The following RPN1 variants were observed in gnomAD, a reference collection of about 807,000 sequenced individuals.
RPN1 encodes the protein ribophorin I, also known as dolichyl-diphosphooligosaccharide--protein glycosyltransferase subunit 1.
RPN1 carries 12 observed loss-of-function variants against 55.5 expected under a neutral mutation model. That is an observed-to-expected ratio of 0.22 (90% CI 0.14 to 0.35). The LOEUF (loss-of-function observed/expected upper bound fraction) is 0.35, where lower values mean the gene tolerates loss of function less well. Among genes scored for constraint, RPN1 ranks in the 10% least tolerant of loss-of-function variants. The pLI, the probability that RPN1 is intolerant of heterozygous loss-of-function variation, is 1.00. For synonymous variants in RPN1, 317 were observed against 305.9 expected, an observed-to-expected ratio of 1.04 and a Z score of -0.38; for missense variants, 679 against 761.3, an observed-to-expected ratio of 0.89 and a Z score of 1.27.
At chr3:128,625,030 G>A (rs941069054) in intron 8 of RPN1, among the ~76,000 whole-genome samples, 3 of 152,184 alleles carry the variant, frequency 2.0e-5, no homozygotes, top group African/African-American at 7.2e-5. Flanking sequence ...GAAGAAAAGA[G>A]CAAGAGGATG....
Position 128,622,146 on chromosome 3 carries a change from G to A in RPN1, c.1641+18C>T, listed in dbSNP as rs752940925. ...GGAGGGCCCCAAGCCAAGCAACTCT[G>A]TGACGCCCGACACTTACTCTGTCGC... On this transcript the variant is annotated intron_variant, in intron 9 of 9. Transcript: ENST00000296255. 4 of 1,612,516 alleles carry A rather than the reference G, an allele frequency of 2.5e-6. No individual in the cohort carries two copies. In the East Asian group the frequency reaches 8.9e-5, roughly 36 times the overall value.
chr3:128,640,045 G>A (rs900002656), intron 2 of RPN1, among the ~76,000 whole-genome samples: 4 of 152,066 alleles, frequency 2.6e-5, no homozygotes, highest in Non-Finnish European at 4.4e-5. Flanking sequence ...GGTGGCAGGC[G>A]CCTGTAGTCC....
intron 6 of RPN1, among the ~76,000 whole-genome samples, chr3:128,626,515 T>A (rs1357744883): frequency 2.0e-5 from 3 of 152,226 alleles, no homozygotes; most frequent in African/African-American, 7.2e-5. Context: ...TCTTCCACTA[T>A]GGAACATTCT....
chr3:128,646,981 A>C (rs1208934214), intron 1 of RPN1, among the ~76,000 whole-genome samples: 1 of 151,982 alleles, frequency 6.6e-6, no homozygotes, highest in Non-Finnish European at 1.5e-5. Flanking sequence ...TCAAAAAAAA[A>C]AAAAAATGGT....
At chr3:128,643,372 G>C (rs2069742559) in intron 2 of RPN1, among the ~76,000 whole-genome samples, 1 of 148,500 alleles carries the variant, frequency 6.7e-6, no homozygotes, top group South Asian at 2.1e-4. Flanking sequence ...CACAGTAATT[G>C]AAACTATGGG....
At chr3:128,640,887 C>T (rs1341556756) in intron 2 of RPN1, among the ~76,000 whole-genome samples, 1 of 152,162 alleles carries the variant, frequency 6.6e-6, no homozygotes, top group African/African-American at 2.4e-5. Context: ...AATCAACATT[C>T]CCACATTCAT....
At chr3:128,639,721 G>A (rs930159853) in intron 2 of RPN1, among the ~76,000 whole-genome samples, 1 of 151,758 alleles carries the variant, frequency 6.6e-6, no homozygotes, top group Non-Finnish European at 1.5e-5. Flanking sequence ...CCCAGTAGCT[G>A]GGATTACAGG....
intron 2 of RPN1, chr3:128,644,471 C>A: frequency 3.6e-6 from 1 of 281,292 alleles, no homozygotes; most frequent in Non-Finnish European, 7.0e-6. Flanking sequence ...TGGCAAAACC[C>A]GGTGTCTACT....
Position 128,620,326 on chromosome 3 carries a change from C to T in RPN1, c.*85G>A, listed in dbSNP as rs1472742117. ...ACAGATGTCAGCTTTCACTGGCCTCCATGCACAACCTCCCACTACCACCCA... is the reference window on the plus strand; with the variant it reads ...ACAGATGTCAGCTTTCACTGGCCTCTATGCACAACCTCCCACTACCACCCA... On this transcript the variant is annotated 3_prime_UTR_variant, in exon 10 of 10. Transcript: ENST00000296255. The T allele has an allele frequency of 1.0e-5, 13 of 1,305,824 alleles. No individual in the cohort carries two copies. The highest frequency in any genetic ancestry group is 2.3e-5 in the Admixed American group (1 of 42,858). The allele number at this position is 1,305,824 out of a possible 1,614,324, so 80.9% of individuals were successfully genotyped here.
At position 128,625,597 on chromosome 3, in the gene RPN1, C is replaced by A; in HGVS notation, c.1332G>T (p.Ala444=). Residue 444 remains alanine (A), a synonymous_variant, in exon 8 of 10, where the codon GCG becomes GCT. Transcript: ENST00000296255. ...LMLQEPLLVV[A]AFYILFFTVI... ...CGGTGAAGAACAGGATGTAGAAGGC[C>A]GCCACCACCAGCAGGGGCTCCTGCA... is the stretch of plus-strand genomic sequence containing the variant. The A allele has an allele frequency of 6.2e-7, 1 of 1,613,970 alleles. No homozygotes were observed. Among genetic ancestry groups the A allele is most frequent in the African/African-American group, 1.3e-5 (1 of 74,966 alleles).
chr3:128,644,986 A>G lies in RPN1; in HGVS notation c.262-3T>C. 4 of 1,536,274 alleles carry G rather than the reference A, an allele frequency of 2.6e-6. No individual in the cohort carries two copies. Among genetic ancestry groups the G allele is most frequent in the Non-Finnish European group, 3.6e-6 (4 of 1,109,836 alleles). ...TCTTCCTCATCTTCTCCCTTTACCT[A>G]CAACAGAAAAAGATAGTTTATTATT... is the stretch of plus-strand genomic sequence containing the variant. On this transcript the variant is annotated splice_polypyrimidine_tract_variant and splice_region_variant and intron_variant, in intron 1 of 9. Coordinates refer to ENST00000296255, the MANE Select transcript of RPN1 (RefSeq NM_002950.4).
chr3:128,629,882 A>T, intron 5 of RPN1, 69 bp downstream of exon 5: 1 of 857,012 alleles, frequency 1.2e-6, no homozygotes, highest in Non-Finnish European at 1.8e-6. Context: ...ATAAAGACTG[A>T]TAATTGAAAG....
Position 128,638,102 on chromosome 3 carries a change from C to T in RPN1, c.330G>A (p.Gly110=). The T allele has an allele frequency of 6.2e-7, 1 of 1,610,372 alleles. No individual in the cohort carries two copies. Among genetic ancestry groups the T allele is most frequent in the South Asian group, 1.1e-5 (1 of 90,958 alleles). The change falls in exon 3 of 10, where the codon GGG becomes GGA. Residue 110 remains glycine, a synonymous_variant. Transcript: ENST00000296255. ...VRETKIKGKS[G]RFFTVKLPVA... ...CTGGGAGCTTGACTGTGAAGAATCT[C>T]CCACTAAAGGAAGAACAAGGCAAGA...
intron 5 of RPN1, among the ~76,000 whole-genome samples, chr3:128,629,016 A>G (rs976308937): frequency 4.6e-5 from 7 of 152,166 alleles, no homozygotes; most frequent in Non-Finnish European, 7.3e-5. Flanking sequence ...GGGCAAAACT[A>G]AGGTATAGTA....
chr3:128,645,086 A>T (rs2069756618), intron 1 of RPN1, 103 bp from the exon 2 acceptor site: 1 of 684,710 alleles, frequency 1.5e-6, no homozygotes, highest in African/African-American at 1.8e-5. Flanking sequence ...AAGCAGTCAA[A>T]CTATCAGAAC....
At chr3:128,623,492 C>T (rs1181590838) in intron 8 of RPN1, among the ~76,000 whole-genome samples, 2 of 151,524 alleles carry the variant, frequency 1.3e-5, no homozygotes, top group East Asian at 1.9e-4. Context: ...GAGCCCTGAT[C>T]GTGCCACTGC....
intron 8 of RPN1, among the ~76,000 whole-genome samples, chr3:128,623,952 G>A (rs1011546695): frequency 3.9e-5 from 6 of 151,904 alleles, no homozygotes; most frequent in East Asian, 1.9e-4. Flanking sequence ...GGGGCACAAC[G>A]TCTGCAACTT....
intron 3 of RPN1, among the ~76,000 whole-genome samples, chr3:128,634,040 G>A (rs1576795480): frequency 6.6e-6 from 1 of 151,880 alleles, no homozygotes; most frequent in East Asian, 1.9e-4. Context: ...ACTGTTTACA[G>A]GCCAGCCGGG....
intron 1 of RPN1, among the ~76,000 whole-genome samples, chr3:128,648,348 T>C (rs2069785372): frequency 1.3e-5 from 2 of 151,816 alleles, no homozygotes; most frequent in Admixed American, 6.6e-5. Flanking sequence ...TGAGCCGAGA[T>C]TGCACCACCG....
Sources: gnomAD v4.1 joint callset for allele counts (sites outside exome capture counted in the v4.1 genomes callset) on GRCh38, gnomAD v4.1.1 for gene constraint, MANE v1.5 for transcripts, NCBI Gene and HGNC (gene_info 2026-07-23, HGNC 2026-07-21) for gene names.